The following ST8SIA2 variants were observed in gnomAD, a reference collection of about 807,000 sequenced individuals.
The protein encoded by ST8SIA2 is ST8 alpha-N-acetyl-neuraminide alpha-2,8-sialyltransferase 2.
ST8SIA2 carries 22 observed loss-of-function variants against 37.6 expected under a neutral mutation model. That is an observed-to-expected ratio of 0.58 (90% CI 0.42 to 0.83). The LOEUF is 0.83. Among genes scored for constraint, ST8SIA2 ranks in the 40% least tolerant of loss-of-function variants. The pLI is 0.00. For missense variants in ST8SIA2, 382 were observed against 484.7 expected (o/e 0.79, Z 1.99); for synonymous variants, 205 against 201.2 (o/e 1.02, Z -0.16).
chr15:92,451,486 G>A (rs2049881491), intron 5 of ST8SIA2, among the ~76,000 whole-genome samples: 1 of 152,198 alleles, frequency 6.6e-6, no homozygotes, highest in African/African-American at 2.4e-5. Context: ...AGTTGAGGTT[G>A]CCCTTGCCCT....
At chr15:92,413,516 A>G (rs1212543414) in intron 1 of ST8SIA2, among the ~76,000 whole-genome samples, 1 of 152,158 alleles carries the variant, frequency 6.6e-6, no homozygotes, top group African/African-American at 2.4e-5. Flanking sequence ...CAGGGAAGCC[A>G]TGTCCCATTT....
chr15:92,444,621 C>T lies in ST8SIA2; in HGVS notation c.549-15C>T. On this transcript the variant is annotated splice_polypyrimidine_tract_variant and intron_variant, in intron 4 of 5. Coordinates refer to ENST00000268164, the MANE Select transcript of ST8SIA2 (RefSeq NM_006011.4). ...AGCTTTCCCAAAAGGATCATGTTGCCTTTTTCTCCGGCAGGTGCAACCTGG... is the reference window on the plus strand; with the variant it reads ...AGCTTTCCCAAAAGGATCATGTTGCTTTTTTCTCCGGCAGGTGCAACCTGG... 1.2e-6 allele frequency: 2 copies of T among 1,614,214 alleles called. No homozygotes were observed. Among genetic ancestry groups the T allele is most frequent in the Non-Finnish European group, 1.7e-6 (2 of 1,180,028 alleles).
intron 1 of ST8SIA2, among the ~76,000 whole-genome samples, chr15:92,426,718 T>C (rs2049678813): frequency 6.6e-6 from 1 of 152,234 alleles, no homozygotes; most frequent in African/African-American, 2.4e-5. Context: ...CTGTACAGCA[T>C]AACTACAGTT....
chr15:92,433,138 A>C (rs982645536), intron 2 of ST8SIA2, among the ~76,000 whole-genome samples: 2 of 152,144 alleles, frequency 1.3e-5, no homozygotes, highest in African/African-American at 2.4e-5. Flanking sequence ...TCCAAAAAAA[A>C]AAAAAGAAAA....
In ST8SIA2 at chr15:92,432,853, C is replaced by G. The variant is rs117508503; in HGVS notation, c.162-1394C>G. On this transcript the variant is annotated intron_variant, in intron 2 of 5. Coordinates refer to ENST00000268164, the MANE Select transcript of ST8SIA2 (RefSeq NM_006011.4). ...CTACCTGCAAAAGTCAAACTAGGGC[C>G]AAGCATGGTGGCTCATGCCTGTAAT... 4.0e-3 allele frequency among the ~76,000 whole-genome samples: 614 copies of G among 152,282 alleles called. 4 individuals are homozygous for G. Among genetic ancestry groups the G allele is most frequent in the Middle Eastern group, 6.8e-3 (2 of 294 alleles).
At chr15:92,409,904 C>T (rs1206986897) in intron 1 of ST8SIA2, among the ~76,000 whole-genome samples, 3 of 152,168 alleles carry the variant, frequency 2.0e-5, no homozygotes, top group Non-Finnish European at 2.9e-5. Flanking sequence ...TGAGTGCTGG[C>T]GACTGAAAAG....
intron 5 of ST8SIA2, among the ~76,000 whole-genome samples, chr15:92,449,979 T>A (rs2049870576): frequency 6.6e-6 from 1 of 152,208 alleles, no homozygotes; most frequent in African/African-American, 2.4e-5. Flanking sequence ...TAATTGTACA[T>A]TTCACTTAGA....
At chr15:92,416,553 C>A (rs973938239) in intron 1 of ST8SIA2, among the ~76,000 whole-genome samples, 1 of 152,028 alleles carries the variant, frequency 6.6e-6, no homozygotes, top group African/African-American at 2.4e-5. Context: ...AAAGTGTTGC[C>A]AGAGGATGAA....
intron 5 of ST8SIA2, among the ~76,000 whole-genome samples, chr15:92,449,359 T>G (rs1328200109): frequency 1.3e-5 from 2 of 152,256 alleles, no homozygotes; most frequent in Non-Finnish European, 2.9e-5. Flanking sequence ...CATGCGTCCA[T>G]GATGTATTCC....
chr15:92,394,184 C>G (rs971173341), intron 1 of ST8SIA2, 22 bp downstream of exon 1: 15 of 1,542,410 alleles, frequency 9.7e-6, no homozygotes, highest in East Asian at 7.3e-5. Context: ...CTCCCAGGCC[C>G]GTGCCACGAG....
At chr15:92,454,106 G>A (rs559686396) in intron 5 of ST8SIA2, among the ~76,000 whole-genome samples, 309 of 152,288 alleles carry the variant, frequency 2.0e-3, no homozygotes, top group African/African-American at 6.8e-3. Context: ...CAGGGCTACC[G>A]TAACAGCGTC....
intron 1 of ST8SIA2, among the ~76,000 whole-genome samples, chr15:92,402,943 A>G (rs1370844449): frequency 6.6e-6 from 1 of 152,200 alleles, no homozygotes; most frequent in Non-Finnish European, 1.5e-5. Context: ...AGGGGAAGAC[A>G]GAAGAGTTGG....
intron 5 of ST8SIA2, among the ~76,000 whole-genome samples, chr15:92,457,353 A>C (rs972660318): frequency 5.3e-5 from 8 of 152,172 alleles, no homozygotes; most frequent in Non-Finnish European, 2.9e-5. Context: ...AAAAAGACAA[A>C]TGTGCTTTGG....
chr15:92,461,651 C>T (rs1301106179), intron 5 of ST8SIA2, among the ~76,000 whole-genome samples: 1 of 152,196 alleles, frequency 6.6e-6, no homozygotes, highest in East Asian at 1.9e-4. Context: ...GTGGGCCAGA[C>T]CTTCTGGGGA....
rs200422265 is a variant in ST8SIA2 at position 92,444,602 on chromosome 15, C to G, written c.549-34C>G. 1.7e-5 allele frequency: 28 copies of G among 1,614,094 alleles called. No homozygotes were observed. The African/African-American group carries it at 2.7e-4, about 15-fold the overall frequency. On this transcript the variant is annotated intron_variant, in intron 4 of 5. Coordinates refer to ENST00000268164, the MANE Select transcript of ST8SIA2 (RefSeq NM_006011.4). Reference sequence around the variant, plus strand: ...AAACAGAGGAAGGGGTCTCAGCTTTCCCAAAAGGATCATGTTGCCTTTTTC... The same window carrying G: ...AAACAGAGGAAGGGGTCTCAGCTTTGCCAAAAGGATCATGTTGCCTTTTTC...
At chr15:92,457,281 G>T (rs1428211842) in intron 5 of ST8SIA2, among the ~76,000 whole-genome samples, 1 of 152,074 alleles carries the variant, frequency 6.6e-6, no homozygotes, top group Non-Finnish European at 1.5e-5. Context: ...AGCCCTTTTG[G>T]TCCCCTTTTC....
chr15:92,445,566 A>G (rs1014055113), intron 5 of ST8SIA2, among the ~76,000 whole-genome samples: 18 of 152,166 alleles, frequency 1.2e-4, no homozygotes, highest in Admixed American at 2.6e-4. Context: ...CTCTTAGGAT[A>G]TGTTTTTGTC....
At chr15:92,421,574 G>A (rs2141820823) in intron 1 of ST8SIA2, among the ~76,000 whole-genome samples, 2 of 152,292 alleles carry the variant, frequency 1.3e-5, no homozygotes, top group African/African-American at 4.8e-5. Context: ...CTATAGATGA[G>A]AAAACAGATG....
intron 4 of ST8SIA2, among the ~76,000 whole-genome samples, chr15:92,441,627 C>T (rs1218843108): frequency 6.6e-6 from 1 of 151,364 alleles, no homozygotes; most frequent in African/African-American, 2.4e-5. Flanking sequence ...ACACGCACTT[C>T]TTCCATAGGG....
Sources: allele counts gnomAD v4.1 joint callset (sites outside exome capture counted in the v4.1 genomes callset), GRCh38; gene constraint gnomAD v4.1.1; transcripts MANE v1.5; gene names NCBI Gene and HGNC (gene_info 2026-07-23, HGNC 2026-07-21).